The following RP1 variants were observed in gnomAD, a reference collection of about 807,000 sequenced individuals.
The protein encoded by RP1 is RP1 axonemal microtubule associated, also known as oxygen-regulated protein 1.
Under a neutral mutation model 14.8 loss-of-function variants are expected in RP1, and 16 were observed. The observed-to-expected ratio is 1.08, with a 90% CI of 0.73 to 1.65. The LOEUF (loss-of-function observed/expected upper bound fraction) is 1.65, where lower values mean the gene tolerates loss of function less well. Ranked by LOEUF, RP1 falls within the 40% of genes most tolerant of loss-of-function variation. RP1 has a pLI of 0.00. For missense variants in RP1, 2,631 were observed against 2,535.0 expected (o/e 1.04, Z -0.81); for synonymous variants, 876 against 883.6 (o/e 0.99, Z 0.15).
chr8:54,781,545 C>T (rs1043413526), intron 23 of RP1, among the ~76,000 whole-genome samples: 37 of 152,230 alleles, frequency 2.4e-4, no homozygotes, highest in African/African-American at 7.5e-4. Flanking sequence ...AATACAAAAA[C>T]TGTAAACATA....
At chr8:54,854,627 G>T (rs1000173837) in intron 26 of RP1, among the ~76,000 whole-genome samples, 9 of 152,178 alleles carry the variant, frequency 5.9e-5, no homozygotes, top group African/African-American at 2.2e-4. Context: ...CACTTTGGGA[G>T]GCCGAGGTGG....
chr8:54,673,480 C>G (rs1807224076), intron 7 of RP1, among the ~76,000 whole-genome samples: 1 of 152,190 alleles, frequency 6.6e-6, no homozygotes, highest in Non-Finnish European at 1.5e-5. Flanking sequence ...TGGCCCACGC[C>G]TGTAATCCCA....
At position 54,817,126 on chromosome 8, in the gene RP1, C is replaced by T. The variant is rs141655322; in HGVS notation, c.3616-20324C>T. On this transcript the variant is annotated intron_variant, in intron 24 of 28. Transcript: ENST00000637698. ...TTTCTCATTTGTGTTCATTGTCTGT[C>T]TTGTCTCATTAGACATCTCTGAAAG... 4.6e-3 allele frequency among the ~76,000 whole-genome samples: 703 copies of T among 152,172 alleles called. 6 individuals carry two copies. Among genetic ancestry groups the T allele is most frequent in the Non-Finnish European group, 8.1e-3 (551 of 68,016 alleles).
chr8:54,670,706 T>TATATAA (rs1283419569), intron 7 of RP1, among the ~76,000 whole-genome samples: 5 of 109,834 alleles, frequency 4.6e-5, no homozygotes, highest in African/African-American at 1.3e-4. Context: ...TATATATATA[T>TATATAA]AAAACATTAA....
chr8:54,679,380 A>G (rs975226872), intron 9 of RP1: 18 of 1,490,748 alleles, frequency 1.2e-5, no homozygotes, highest in Middle Eastern at 1.7e-4. Context: ...TAATGTAAAT[A>G]TAAAGTCTGA....
chr8:54,791,900 G>A (rs1257813585), intron 24 of RP1, among the ~76,000 whole-genome samples: 1 of 152,012 alleles, frequency 6.6e-6, no homozygotes, highest in East Asian at 1.9e-4. Flanking sequence ...ATTATTTGAT[G>A]AAAAGATGTG....
exon 29 of RP1, chr8:54,870,060 T>C (rs1035742975): frequency 6.8e-6 from 3 of 438,300 alleles, no homozygotes; most frequent in African/African-American, 4.1e-5. Context: ...TCAGTTTGTG[T>C]TGGACCCACT....
chr8:54,795,461 G>T (rs1160977561), intron 24 of RP1, among the ~76,000 whole-genome samples: 1 of 152,048 alleles, frequency 6.6e-6, no homozygotes, highest in African/African-American at 2.4e-5. Context: ...CCTCAGATGG[G>T]CTAAATTTTA....
chr8:54,692,147 C>A (rs1250821018), intron 12 of RP1, among the ~76,000 whole-genome samples: 1 of 151,660 alleles, frequency 6.6e-6, no homozygotes. Flanking sequence ...GACATGAACT[C>A]ATCGTTTTTT....
chr8:54,606,073 G>C (rs962361417), intron 1 of RP1, among the ~76,000 whole-genome samples: 2 of 152,112 alleles, frequency 1.3e-5, no homozygotes, highest in African/African-American at 4.8e-5. Flanking sequence ...GTGTGAATTT[G>C]ATCCTGTCAT....
At chr8:54,726,311 G>C (rs1227362281) in intron 16 of RP1, 18 of 1,497,760 alleles carry the variant, frequency 1.2e-5, no homozygotes, top group Non-Finnish European at 1.5e-5. Context: ...AAGTGATTTT[G>C]AAAGGATGGC....
At chr8:54,660,824 A>G (rs942746152) in intron 6 of RP1, among the ~76,000 whole-genome samples, 2 of 152,066 alleles carry the variant, frequency 1.3e-5, no homozygotes, top group African/African-American at 4.8e-5. Flanking sequence ...TCAATTAAGA[A>G]AATTTCAGTT....
intron 1 of RP1, among the ~76,000 whole-genome samples, chr8:54,608,449 G>T (rs1276968095): frequency 1.3e-5 from 2 of 152,140 alleles, no homozygotes. Flanking sequence ...AGTTATTTGT[G>T]CCTGACTAAC....
intron 19 of RP1, among the ~76,000 whole-genome samples, chr8:54,749,647 T>C (rs1221014579): frequency 1.3e-5 from 2 of 152,014 alleles, no homozygotes; most frequent in Admixed American, 1.3e-4. Context: ...CCGGTCCCTA[T>C]AGTTTAGAGA....
chr8:54,755,650 G>GC lies in RP1; in HGVS notation c.2974dup (p.Gln992ProfsTer10). The GC allele has an allele frequency of 6.5e-7, 1 of 1,536,008 alleles. No homozygotes were observed. ...GATACCAGGTTGACGTCTACACTGG[G>GC]CAGCTGAAGCATGCAGAGACGGAGT... On this transcript the variant is annotated frameshift_variant, in exon 21 of 23. Transcript: ENST00000636932. LOFTEE classifies it high-confidence loss of function.
chr8:54,828,933 C>T (rs1463380045), intron 24 of RP1, among the ~76,000 whole-genome samples: 2 of 133,674 alleles, frequency 1.5e-5, no homozygotes, highest in Admixed American at 1.6e-4. Context: ...GCTCTGTCAC[C>T]CAGGCTGGAG....
intron 24 of RP1, among the ~76,000 whole-genome samples, chr8:54,792,550 GA>G (rs143911856): frequency 0.015 from 2,335 of 151,764 alleles, 54 homozygotes; most frequent in African/African-American, 0.053. Flanking sequence ...TAAATGACAG[GA>G]AAAAAATTGG....
chr8:54,706,654 C>T (rs1245186735), exon 15 of RP1: 1 of 1,535,706 alleles, frequency 6.5e-7, no homozygotes, highest in African/African-American at 1.4e-5. Context: ...TGCGATGGAA[C>T]AGTAAGCATC....
At chr8:54,693,202 G>A (rs1298298308) in intron 12 of RP1, among the ~76,000 whole-genome samples, 1 of 152,180 alleles carries the variant, frequency 6.6e-6, no homozygotes, top group African/African-American at 2.4e-5. Flanking sequence ...CCATTACCAT[G>A]CCGTTTTGAT....
Sources: allele counts gnomAD v4.1 joint callset (sites outside exome capture counted in the v4.1 genomes callset), GRCh38; gene constraint gnomAD v4.1.1; transcripts MANE v1.5; gene names NCBI Gene and HGNC (gene_info 2026-07-23, HGNC 2026-07-21).